Variants in TGIF1 observed in about 807,000 individuals in gnomAD.
The protein encoded by TGIF1 is TGFB induced factor homeobox 1, also known as homeobox protein TGIF1.
In TGIF1, 4 loss-of-function variants were observed where a neutral mutation model predicts 19.3. That is an observed-to-expected ratio of 0.21 (90% CI 0.10 to 0.47). TGIF1 has a LOEUF of 0.47. TGIF1 is among the 20% of genes least tolerant of loss of function. The pLI is 0.98. For missense variants in TGIF1, 275 were observed against 341.4 expected (o/e 0.81, Z 1.53); for synonymous variants, 122 against 129.3 (o/e 0.94, Z 0.38).
chr18:3,443,410 CTTT>C (rs764806240), intron 2 of TGIF1, among the ~76,000 whole-genome samples: 1 of 145,460 alleles, frequency 6.9e-6, no homozygotes. Flanking sequence ...GATAATAATA[CTTT>C]TTTTTTTTTT....
At chr18:3,448,717 CTTTTTTTTT>C (rs869086299), upstream of TGIF1, 5 of 255,954 alleles carry the variant, frequency 2.0e-5, no homozygotes, top group East Asian at 2.4e-4. Context: ...GCGGGGGTGT[CTTTTTTTTT>C]TTTTTTTTTT....
Position 3,457,407 on chromosome 18 carries a change from G to C in TGIF1, c.286G>C (p.Asp96His). 6.2e-7 allele frequency: 1 copy of C among 1,614,196 alleles called. No individual in the cohort carries two copies. The highest frequency in any genetic ancestry group is 8.5e-7 in the Non-Finnish European group (1 of 1,180,034). Residue 96 changes from aspartate to histidine, a missense_variant, in exon 3 of 3, where the codon GAC (aspartate) becomes CAC (histidine). Coordinates refer to ENST00000343820, the MANE Select transcript of TGIF1 (RefSeq NM_003244.4). This position sits in a 1 kb window ranked among gnomAD's most constrained non-coding sequence, Gnocchi z 4.9. ...FINARRRLLP[D>H]MLRKDGKDPN... Reference sequence around the variant, plus strand: ...CAACGCCCGCCGCAGGCTCCTCCCTGACATGCTGAGAAAGGATGGCAAAGA... The same window carrying C: ...CAACGCCCGCCGCAGGCTCCTCCCTCACATGCTGAGAAAGGATGGCAAAGA...
rs2082858804 is a variant in TGIF1 at position 3,450,185 on chromosome 18, C to G, written c.-305C>G. ...CTCGCCTCTCTCACTCTGACAGCGC[C>G]GAGGTGCGCCGAGCAGGAGCAGGGA... is the stretch of plus-strand genomic sequence containing the variant. On this transcript the variant is annotated 5_prime_UTR_variant, in exon 1 of 3. Coordinates refer to ENST00000343820, the MANE Select transcript of TGIF1 (RefSeq NM_003244.4). The G allele has an allele frequency of 3.0e-6, 4 of 1,339,860 alleles. No individual in the cohort carries two copies. The highest frequency in any genetic ancestry group is 1.5e-5 in the African/African-American group (1 of 67,504). The allele number at this position is 1,339,860 out of a possible 1,614,324, so 83.0% of individuals were successfully genotyped here. A position where few individuals can be genotyped will look rare whatever the true frequency, so the allele number is the denominator to read the frequency against.
At chr18:3,422,384 C>T (rs1750251156) in intron 2 of TGIF1, among the ~76,000 whole-genome samples, 1 of 147,282 alleles carries the variant, frequency 6.8e-6, no homozygotes, top group Admixed American at 6.8e-5. Flanking sequence ...TAGAGCTGTA[C>T]AGTGTGCTTG....
At chr18:3,427,449 A>G (rs897703893) in intron 2 of TGIF1, among the ~76,000 whole-genome samples, 4 of 150,996 alleles carry the variant, frequency 2.6e-5, no homozygotes, top group African/African-American at 9.8e-5. Context: ...GCGCCACCAC[A>G]CGTGGCTAAT....
At position 3,458,050 on chromosome 18, in the gene TGIF1, G is replaced by T. The variant is rs1307094723; in HGVS notation, c.*110G>T. On this transcript the variant is annotated 3_prime_UTR_variant, in exon 3 of 3. Transcript: ENST00000343820. ...TTTATTAATATTTGCACATGGGATTGCTAAAACAGCTTCCTGTTACTGAGA... is the reference window on the plus strand; with the variant it reads ...TTTATTAATATTTGCACATGGGATTTCTAAAACAGCTTCCTGTTACTGAGA... The T allele has an allele frequency of 1.0e-6, 1 of 958,588 alleles. No homozygotes were observed. The highest frequency in any genetic ancestry group is 1.6e-6 in the Non-Finnish European group (1 of 634,304). The allele number at this position is 958,588 out of a possible 1,614,324, so 59.4% of individuals were successfully genotyped here.
In TGIF1 at chr18:3,450,201, G is replaced by A. The variant is rs2082859646; in HGVS notation, c.-289G>A. Reference sequence around the variant, plus strand: ...TGACAGCGCCGAGGTGCGCCGAGCAGGAGCAGGGAACAAAGGAGCGGAGAG... The same window carrying A: ...TGACAGCGCCGAGGTGCGCCGAGCAAGAGCAGGGAACAAAGGAGCGGAGAG... On this transcript the variant is annotated 5_prime_UTR_variant, in exon 1 of 3. Transcript: ENST00000343820. 54 of 1,373,152 alleles carry A rather than the reference G, an allele frequency of 3.9e-5. No homozygotes were observed. The highest frequency in any genetic ancestry group is 5.0e-5 in the Non-Finnish European group (53 of 1,063,456). 85.1% of individuals were successfully genotyped at this position (1,373,152 alleles called of 1,614,324 possible).
intron 1 of TGIF1, chr18:3,452,013 G>A: frequency 1.2e-6 from 2 of 1,607,996 alleles, no homozygotes; most frequent in South Asian, 1.1e-5. Flanking sequence ...GTCTGCCGGG[G>A]TGGGCTCCCC....
At chr18:3,450,572 G>C in intron 1 of TGIF1, 67 bp downstream of exon 1, 1 of 1,549,202 alleles carries the variant, frequency 6.5e-7, no homozygotes, top group Non-Finnish European at 8.7e-7. Context: ...GCCGGGCCGC[G>C]CCGCGCGGAG....
chr18:3,422,356 A>G (rs1027597617), intron 2 of TGIF1, among the ~76,000 whole-genome samples: 2 of 151,136 alleles, frequency 1.3e-5, no homozygotes, highest in Non-Finnish European at 2.9e-5. Flanking sequence ...ATGGACATGA[A>G]GAACGAATAC....
In TGIF1 at chr18:3,451,121, C is replaced by T. The variant is rs2082910930; in HGVS notation, c.16+616C>T. On this transcript the variant is annotated intron_variant, in intron 1 of 2. Transcript: ENST00000343820. The surrounding 1 kb of genome is among the most constrained non-coding windows in gnomAD (Gnocchi z 5.4). Reference sequence around the variant, plus strand: ...TTGGAAAGCTAGACTTTTACAAATCCCCAGTCTCTAAAAGTTTTCCCACGA... The same window carrying T: ...TTGGAAAGCTAGACTTTTACAAATCTCCAGTCTCTAAAAGTTTTCCCACGA... Among the ~76,000 whole-genome samples the T allele has an allele frequency of 6.6e-6, 1 of 151,496 alleles. No homozygotes were observed. Among genetic ancestry groups the T allele is most frequent in the African/African-American group, 2.4e-5 (1 of 41,232 alleles).
chr18:3,416,527 G>A (rs1418573030), intron 1 of TGIF1, among the ~76,000 whole-genome samples: 1 of 151,488 alleles, frequency 6.6e-6, no homozygotes, highest in African/African-American at 2.4e-5. Context: ...AAAAAACAAA[G>A]AAAAGCATTT....
At chr18:3,447,927 T>C, upstream of TGIF1, 1 of 1,463,236 alleles carries the variant, frequency 6.8e-7, no homozygotes, top group Non-Finnish European at 9.5e-7. Context: ...GGTTCCCATC[T>C]CGGTTGCCTG....
rs10675936 is a variant in TGIF1 at position 3,426,166 on chromosome 18, C to CTTTTT, written c.-45+7967_-45+7971dup. On this transcript the variant is annotated intron_variant, in intron 2 of 3. Transcript: ENST00000401449. ...CTCAGGCCCAGTTCTGGCTAGGGTCCTTTTTTTTTTTTTTTTTTTTGAGAC... is the reference window on the plus strand; with the variant it reads ...CTCAGGCCCAGTTCTGGCTAGGGTCCTTTTTTTTTTTTTTTTTTTTTTTTTGAGAC... Among the ~76,000 whole-genome samples the CTTTTT allele has an allele frequency of 4.6e-3, 541 of 116,566 alleles. 26 individuals are homozygous for CTTTTT. The highest frequency in any genetic ancestry group is 0.018 in the African/African-American group (500 of 27,250). 76.5% of individuals were successfully genotyped at this position (116,566 alleles called of 152,430 possible). A position where few individuals can be genotyped will look rare whatever the true frequency, so the allele number is the denominator to read the frequency against.
intron 2 of TGIF1, among the ~76,000 whole-genome samples, chr18:3,422,700 T>G (rs1239503711): frequency 2.1e-5 from 3 of 142,086 alleles, no homozygotes; most frequent in Admixed American, 1.4e-4. Flanking sequence ...TTTTTTTTTT[T>G]TTTTTTTTGA....
rs2229334 is a variant in TGIF1, at chr18:3,457,610, G to A, written c.489G>A (p.Pro163=). ...CACTGTCTCCTAAGCCGTCATCCCC[G>A]GGATCAGTTTTGGCTCGTCCATCAG... ...GRPLSPKPSS[P]GSVLARPSVI... The change falls in exon 3 of 3, where the codon CCG becomes CCA. Residue 163 remains proline, a synonymous_variant. Coordinates refer to ENST00000343820, the MANE Select transcript of TGIF1 (RefSeq NM_003244.4). The surrounding 1 kb of genome is among the most constrained non-coding windows in gnomAD (Gnocchi z 4.9). 2.5e-3 allele frequency: 4,016 copies of A among 1,614,118 alleles called. 54 individuals are homozygous for A. In the African/African-American group the frequency reaches 0.036, roughly 15 times the overall value.
upstream of TGIF1, among the ~76,000 whole-genome samples, chr18:3,448,852 C>T (rs2082809081): frequency 1.3e-5 from 2 of 150,732 alleles, no homozygotes; most frequent in African/African-American, 4.9e-5. Context: ...CACAGAGTTT[C>T]TTCTGCCGGG....
upstream of TGIF1, among the ~76,000 whole-genome samples, chr18:3,449,104 T>G (rs1233159087): frequency 6.6e-6 from 1 of 152,204 alleles, no homozygotes; most frequent in Non-Finnish European, 1.5e-5. Context: ...AAACAGCATC[T>G]GGTCTTTGAA....
intron 2 of TGIF1, among the ~76,000 whole-genome samples, chr18:3,426,414 C>T (rs369652710): frequency 5.9e-5 from 9 of 152,236 alleles, no homozygotes; most frequent in East Asian, 3.9e-4. Context: ...AGCGATCCGC[C>T]TGCCTCTGCC....
Sources: allele counts gnomAD v4.1 joint callset (sites outside exome capture counted in the v4.1 genomes callset), GRCh38; gene constraint gnomAD v4.1.1; non-coding constraint Gnocchi (gnomAD v3.1); transcripts MANE v1.5; gene names NCBI Gene and HGNC (gene_info 2026-07-23, HGNC 2026-07-21).